Variants in GDF5 observed in about 807,000 individuals in gnomAD.
GDF5 encodes growth/differentiation factor 5.
In GDF5, 17 loss-of-function variants were observed where a neutral mutation model predicts 34.6. The observed-to-expected ratio is 0.49, with a 90% CI of 0.34 to 0.74. The LOEUF (loss-of-function observed/expected upper bound fraction) is 0.74. Ranked by LOEUF, GDF5 falls within the 30% of genes least tolerant of loss-of-function variation. The probability of loss-of-function intolerance (pLI) is 0.01; values close to 1 mark genes in which losing one functional copy is unlikely to be tolerated. For synonymous variants in GDF5, 332 were observed against 290.7 expected, an observed-to-expected ratio of 1.14 and a Z score of -1.44; for missense variants, 616 against 661.2, an observed-to-expected ratio of 0.93 and a Z score of 0.75.
chr20:35,450,336 A>G (rs1040928310), intron 1 of GDF5, among the ~76,000 whole-genome samples: 1 of 151,866 alleles, frequency 6.6e-6, no homozygotes, highest in African/African-American at 2.4e-5. Flanking sequence ...TCAGAGGAAC[A>G]GCAGCAAGAG....
Position 35,437,735 on chromosome 20 carries a change from T to C in GDF5, c.194A>G (p.Tyr65Cys). Reference protein sequence around the residue: ...RNVFRPGGHSYGGGATNANAR... With the variant: ...RNVFRPGGHSCGGGATNANAR... Reference sequence around the variant, plus strand: ...ATTGGCATTGGTGGCCCCCCCACCATAGCTGTGACCCCCTGGCCTGAAGAC... The same window carrying C: ...ATTGGCATTGGTGGCCCCCCCACCACAGCTGTGACCCCCTGGCCTGAAGAC... Residue 65 changes from tyrosine (Y) to cysteine (C), a missense_variant, in exon 1 of 2, where the codon TAT (tyrosine) becomes TGT (cysteine). Tyr to Cys is a radical substitution (Grantham distance 194). Transcript: ENST00000374369. 11 of 1,613,510 alleles carry C rather than the reference T, an allele frequency of 6.8e-6. No homozygotes were observed. Among genetic ancestry groups the C allele is most frequent in the Non-Finnish European group, 9.3e-6 (11 of 1,179,714 alleles).
Position 35,437,675 on chromosome 20 carries a change from C to T in GDF5, c.254G>A (p.Gly85Asp), listed in dbSNP as rs1314580785. ...RAKGGTGQTG[G>D]LTQPKKDEPK... ...TTCATCCTTCTTGGGCTGTGTCAGG[C>T]CTCCTGTCTGCCCGGTGCCTCCCTT... Residue 85 changes from glycine to aspartate, a missense_variant, in exon 1 of 2, where the codon GGC becomes GAC. Coordinates refer to ENST00000374369, the MANE Select transcript of GDF5 (RefSeq NM_000557.5). 1.2e-6 allele frequency: 2 copies of T among 1,614,096 alleles called. No individual in the cohort carries two copies. Among genetic ancestry groups the T allele is most frequent in the Non-Finnish European group, 1.7e-6 (2 of 1,180,020 alleles).
chr20:35,438,259 G>T, upstream of GDF5: 1 of 374,402 alleles, frequency 2.7e-6, no homozygotes, highest in Non-Finnish European at 5.0e-6. Flanking sequence ...CTTGTATAAG[G>T]CTGAGGGATT....
At chr20:35,446,759 C>T (rs1380150032) in intron 1 of GDF5, among the ~76,000 whole-genome samples, 1 of 152,072 alleles carries the variant, frequency 6.6e-6, no homozygotes, top group Non-Finnish European at 1.5e-5. Flanking sequence ...GAATTCAACC[C>T]AAGACCCTAA....
At chr20:35,436,939 A>G (rs224334) in intron 1 of GDF5, among the ~76,000 whole-genome samples, 140,341 of 152,264 alleles carry the variant, frequency 0.92, 64,843 homozygotes, top group Admixed American at 0.95. Context: ...CAAACCTGTG[A>G]AGCTTGGAAA....
At chr20:35,438,821 A>ATGTGTG (rs1177580555), upstream of GDF5, among the ~76,000 whole-genome samples, 181 of 45,026 alleles carry the variant, frequency 4.0e-3, no homozygotes, top group African/African-American at 8.6e-3. Flanking sequence ...CTGATTTGTT[A>ATGTGTG]TGCGTGTGTG....
chr20:35,434,513 C>T lies in GDF5; in HGVS notation c.902G>A (p.Arg301Gln), dbSNP rs1251554346. 1.2e-6 allele frequency: 2 copies of T among 1,605,892 alleles called. No individual in the cohort carries two copies. Among genetic ancestry groups the T allele is most frequent in the Non-Finnish European group, 1.7e-6 (2 of 1,175,396 alleles). Residue 301 changes from arginine to glutamine, a missense_variant, in exon 2 of 2, where the codon CGA becomes CAA. Coordinates refer to ENST00000374369, the MANE Select transcript of GDF5 (RefSeq NM_000557.5). ...CAGCTGGGCCGAGTTCTTAAAGTTT[C>T]GGAAGAGCTTCCAGATGTCGAACAC... ...WEVFDIWKLFRNFKNSAQLCL... is the reference protein window; with the variant it reads ...WEVFDIWKLFQNFKNSAQLCL...
At position 35,437,682 on chromosome 20, in the gene GDF5, T is replaced by C; in HGVS notation, c.247A>G (p.Thr83Ala). 8 of 1,614,102 alleles carry C rather than the reference T, an allele frequency of 5.0e-6. No homozygotes were observed. Among genetic ancestry groups the C allele is most frequent in the Middle Eastern group, 1.6e-4 (1 of 6,062 alleles). ...NARAKGGTGQ[T>A]GGLTQPKKDE... ...TTCTTGGGCTGTGTCAGGCCTCCTG[T>C]CTGCCCGGTGCCTCCCTTTGCCCTG... Residue 83 changes from threonine (T) to alanine (A), a missense_variant, in exon 1 of 2, where the codon ACA becomes GCA. By Grantham distance (58) the Thr-to-Ala change is moderately conservative. Transcript: ENST00000374369.
At position 35,448,413 on chromosome 20, in the gene GDF5, A is replaced by ATAT. The variant is rs1555824529; in HGVS notation, c.-398+6226_-398+6227insATA. Among the ~76,000 whole-genome samples, 278 of 96,480 alleles carry ATAT rather than the reference A, an allele frequency of 2.9e-3. 1 individual carries two copies. The highest frequency in any genetic ancestry group is 0.01 in the African/African-American group (254 of 24,796). 63.3% of individuals were successfully genotyped at this position (96,480 alleles called of 152,430 possible). The stretch of plus-strand genomic sequence containing the variant: ...TGTTTTTTTCAAAAAAAAAAAAAAA[A>ATAT]ATATATATATATATATAGTTAAGGG... On this transcript the variant is annotated intron_variant, in intron 1 of 3. Coordinates refer to the GDF5 transcript ENST00000374372.
intron 1 of GDF5, among the ~76,000 whole-genome samples, chr20:35,443,419 T>C (rs1410370839): frequency 2.6e-5 from 4 of 152,106 alleles, no homozygotes; most frequent in African/African-American, 4.8e-5. Context: ...CCTTCTGCCA[T>C]GTAGAGCCTT....
At chr20:35,453,465 A>G (rs2062544523) in intron 1 of GDF5, among the ~76,000 whole-genome samples, 1 of 152,144 alleles carries the variant, frequency 6.6e-6, no homozygotes, top group Admixed American at 6.5e-5. Flanking sequence ...TGTGCATAAT[A>G]TTTAGATTGT....
intron 1 of GDF5, chr20:35,435,355 G>A (rs1183508521): frequency 1.3e-5 from 2 of 158,358 alleles, no homozygotes; most frequent in Non-Finnish European, 2.8e-5. Flanking sequence ...GGAGGCTGAG[G>A]TGGGAGGATT....
chr20:35,441,674 C>T (rs564067177), upstream of GDF5, among the ~76,000 whole-genome samples: 3 of 151,228 alleles, frequency 2.0e-5, no homozygotes, highest in Admixed American at 6.6e-5. Flanking sequence ...AGGATGGTCT[C>T]GATCTCCTGA....
intron 1 of GDF5, among the ~76,000 whole-genome samples, chr20:35,448,397 CA>C (rs143351308): frequency 0.057 from 6,274 of 110,440 alleles, 213 homozygotes; most frequent in South Asian, 0.11. Flanking sequence ...TTGTTTTTTT[CA>C]AAAAAAAAAA....
chr20:35,447,421 G>T (rs1372354603), intron 1 of GDF5, among the ~76,000 whole-genome samples: 1 of 152,160 alleles, frequency 6.6e-6, no homozygotes, highest in Non-Finnish European at 1.5e-5. Flanking sequence ...TGCTAGAGTT[G>T]AGTGTCTCTG....
At chr20:35,452,919 T>C (rs1210981885) in intron 1 of GDF5, among the ~76,000 whole-genome samples, 1 of 151,314 alleles carries the variant, frequency 6.6e-6, no homozygotes, top group Admixed American at 6.6e-5. Flanking sequence ...GGAATGTTAA[T>C]AGGAAAACAA....
At chr20:35,450,141 GAAA>G (rs397966517) in intron 1 of GDF5, among the ~76,000 whole-genome samples, 2 of 126,264 alleles carry the variant, frequency 1.6e-5, no homozygotes, top group Non-Finnish European at 1.7e-5. Context: ...CATCTCTACT[GAAA>G]AAAAAAAAAA....
In GDF5 at chr20:35,433,750, C is replaced by T; in HGVS notation, c.*159G>A. On this transcript the variant is annotated 3_prime_UTR_variant, in exon 2 of 2. Transcript: ENST00000374369. ...CTTGTGGATAAAAGGGGGCCTTTAGCCCAAGTCACACTCAGAGAGCGAGCA... is the reference window on the plus strand; with the variant it reads ...CTTGTGGATAAAAGGGGGCCTTTAGTCCAAGTCACACTCAGAGAGCGAGCA... 1.3e-6 allele frequency: 1 copy of T among 747,574 alleles called. No individual in the cohort carries two copies. The highest frequency in any genetic ancestry group is 2.4e-6 in the Non-Finnish European group (1 of 419,490). The allele number at this position is 747,574 out of a possible 1,614,324, so 46.3% of individuals were successfully genotyped here.
chr20:35,433,933 G>T lies in GDF5; in HGVS notation c.1482C>A (p.Val494=). The part of the protein sequence containing the change: ...NVVYKQYEDM[V]VESCGCR ...GCTACCTGCAGCCACACGACTCCAC[G>T]ACCATGTCCTCATACTGCTTATACA... Residue 494 remains valine, a synonymous_variant, in exon 2 of 2, where the codon GTC becomes GTA. Coordinates refer to ENST00000374369, the MANE Select transcript of GDF5 (RefSeq NM_000557.5). 6.2e-7 allele frequency: 1 copy of T among 1,613,896 alleles called. No homozygotes were observed. Among genetic ancestry groups the T allele is most frequent in the South Asian group, 1.1e-5 (1 of 91,006 alleles).
Sources: allele counts gnomAD v4.1 joint callset (sites outside exome capture counted in the v4.1 genomes callset), GRCh38; gene constraint gnomAD v4.1.1; transcripts MANE v1.5; gene names NCBI Gene and HGNC (gene_info 2026-07-23, HGNC 2026-07-21).